The following TMEM114 variants were observed in gnomAD, a reference collection of about 807,000 sequenced individuals.
The protein encoded by TMEM114 is claudin-26.
A neutral mutation model predicts 6.2 loss-of-function variants in TMEM114; 6 were observed. That is an observed-to-expected ratio of 0.97 (90% CI 0.53 to 1.91). The LOEUF is 1.91. Among genes scored for constraint, TMEM114 ranks in the 40% most tolerant of loss-of-function variants. The pLI, the probability that TMEM114 is intolerant of heterozygous loss-of-function variation, is 0.01. For synonymous variants in TMEM114, 104 were observed against 73.0 expected, an observed-to-expected ratio of 1.42 and a Z score of -2.16; for missense variants, 218 against 158.3, an observed-to-expected ratio of 1.38 and a Z score of -2.02.
intron 2 of TMEM114, among the ~76,000 whole-genome samples, chr16:8,545,819 A>G (rs1387992588): frequency 6.6e-6 from 1 of 152,146 alleles, no homozygotes; most frequent in Non-Finnish European, 1.5e-5. Flanking sequence ...CTTTGATTTC[A>G]TAAATAAATG....
At chr16:8,577,367 G>A (rs1259448724) in intron 2 of TMEM114, among the ~76,000 whole-genome samples, 1 of 152,174 alleles carries the variant, frequency 6.6e-6, no homozygotes, top group African/African-American at 2.4e-5. Flanking sequence ...TTCCACCTCA[G>A]TTCTGTCATT....
intron 3 of TMEM114, among the ~76,000 whole-genome samples, chr16:8,571,414 C>T (rs1901728881): frequency 6.6e-6 from 1 of 152,186 alleles, no homozygotes; most frequent in Non-Finnish European, 1.5e-5. Context: ...GGCACGGCCT[C>T]ACATACTTAG....
downstream of TMEM114, among the ~76,000 whole-genome samples, chr16:8,535,359 C>G (rs189829088): frequency 2.0e-5 from 3 of 151,870 alleles, no homozygotes; most frequent in Non-Finnish European, 4.4e-5. Flanking sequence ...AATGTCAAGT[C>G]AGAGTGAAAC....
the TMEM114 span, among the ~76,000 whole-genome samples, chr16:8,530,084 T>A: frequency 6.6e-6 from 1 of 152,210 alleles, no homozygotes; most frequent in African/African-American, 2.4e-5. Flanking sequence ...GATCAAGTCA[T>A]CCCAGTTAAC....
intron 2 of TMEM114, among the ~76,000 whole-genome samples, chr16:8,540,059 G>A (rs1350374756): frequency 6.6e-6 from 1 of 152,072 alleles, no homozygotes; most frequent in Non-Finnish European, 1.5e-5. Flanking sequence ...CTCAGCCTAA[G>A]GTGATCCACC....
At chr16:8,552,085 A>G (rs1046234510) in intron 2 of TMEM114, among the ~76,000 whole-genome samples, 2 of 152,088 alleles carry the variant, frequency 1.3e-5, no homozygotes, top group Non-Finnish European at 2.9e-5. Flanking sequence ...AACAAGGACT[A>G]TAAGGGGGAC....
At chr16:8,555,976 C>T (rs939637091) in intron 2 of TMEM114, among the ~76,000 whole-genome samples, 3 of 152,246 alleles carry the variant, frequency 2.0e-5, no homozygotes, top group Non-Finnish European at 4.4e-5. Context: ...GTCTGAAGCG[C>T]TGTCTTCCAG....
intron 2 of TMEM114, among the ~76,000 whole-genome samples, chr16:8,585,076 G>A (rs1902278708): frequency 6.6e-6 from 1 of 152,148 alleles, no homozygotes; most frequent in Non-Finnish European, 1.5e-5. Context: ...GAAGGTGAAT[G>A]AGGAGCAAAG....
intron 2 of TMEM114, among the ~76,000 whole-genome samples, chr16:8,550,676 CAAAAAAAACAAAAAA>C (rs375497706): frequency 0.4 from 45,314 of 114,370 alleles, 7,145 homozygotes; most frequent in Middle Eastern, 0.49. Flanking sequence ...AAAACTTCGT[CAAAAAAAACAAAAAA>C]AAAAAAACCA....
At chr16:8,560,839 C>A (rs762893694) in intron 2 of TMEM114, among the ~76,000 whole-genome samples, 10 of 152,158 alleles carry the variant, frequency 6.6e-5, no homozygotes, top group Non-Finnish European at 8.8e-5. Context: ...AGTCTGTTCT[C>A]CACTGTTGGT....
intron 2 of TMEM114, among the ~76,000 whole-genome samples, chr16:8,539,843 A>C: frequency 6.6e-6 from 1 of 152,128 alleles, no homozygotes. Context: ...TTTTACACAG[A>C]GTCTCGCTCT....
intron 2 of TMEM114, among the ~76,000 whole-genome samples, chr16:8,547,491 C>G (rs1174493567): frequency 6.6e-6 from 1 of 151,072 alleles, no homozygotes; most frequent in Admixed American, 6.6e-5. Context: ...CTCCTGGGTT[C>G]AAGCTATTCT....
At chr16:8,527,862 C>A in the TMEM114 span, among the ~76,000 whole-genome samples, 2 of 152,174 alleles carry the variant, frequency 1.3e-5, no homozygotes, top group Non-Finnish European at 2.9e-5. Flanking sequence ...TCCCCCTCCT[C>A]ATCACCTAGA....
downstream of TMEM114, among the ~76,000 whole-genome samples, chr16:8,535,260 G>C (rs913717742): frequency 6.6e-6 from 1 of 152,280 alleles, no homozygotes; most frequent in African/African-American, 2.4e-5. Context: ...TAAATATAAG[G>C]TGTTGATGGT....
At chr16:8,567,842 G>C (rs1302146765), downstream of TMEM114, among the ~76,000 whole-genome samples, 1 of 152,112 alleles carries the variant, frequency 6.6e-6, no homozygotes, top group African/African-American at 2.4e-5. Context: ...CCGCCCTTTC[G>C]GTAGCATGGT....
At chr16:8,547,959 T>C (rs962200805) in intron 2 of TMEM114, among the ~76,000 whole-genome samples, 1 of 152,168 alleles carries the variant, frequency 6.6e-6, no homozygotes. Flanking sequence ...TTGCTGGGGC[T>C]GTGGAAATGA....
intron 2 of TMEM114, among the ~76,000 whole-genome samples, chr16:8,561,233 C>G (rs1016424957): frequency 6.6e-6 from 1 of 152,232 alleles, no homozygotes; most frequent in Admixed American, 6.5e-5. Context: ...CTTCCCTTGC[C>G]TATAGCACAG....
chr16:8,544,573 G>A (rs1367360050), intron 2 of TMEM114, among the ~76,000 whole-genome samples: 2 of 152,154 alleles, frequency 1.3e-5, no homozygotes, highest in East Asian at 3.8e-4. Context: ...GTTGAAATGA[G>A]GAATGATAGC....
At chr16:8,551,607 A>G (rs58013131) in intron 2 of TMEM114, among the ~76,000 whole-genome samples, 11,405 of 152,302 alleles carry the variant, frequency 0.075, 512 homozygotes, top group Middle Eastern at 0.18. Context: ...ATTTAACCAT[A>G]CTAAAGTTTG....
Sources: gnomAD v4.1 joint callset for allele counts (sites outside exome capture counted in the v4.1 genomes callset) on GRCh38, gnomAD v4.1.1 for gene constraint, MANE v1.5 for transcripts, NCBI Gene and HGNC (gene_info 2026-07-23, HGNC 2026-07-21) for gene names.